Variants in DRD3 observed in about 807,000 individuals in gnomAD.
DRD3 encodes dopamine receptor D3.
In DRD3, 19 loss-of-function variants were observed where a neutral mutation model predicts 36.3. The observed-to-expected ratio is 0.52, with a 90% confidence interval of 0.36 to 0.77. The LOEUF (loss-of-function observed/expected upper bound fraction) is 0.77, where lower values mean the gene tolerates loss of function less well. DRD3 is among the 30% of genes least tolerant of loss of function. The pLI, the probability that DRD3 is intolerant of heterozygous loss-of-function variation, is 0.00. For missense variants in DRD3, 465 were observed against 505.3 expected, an observed-to-expected ratio of 0.92 and a Z score of 0.77; for synonymous variants, 195 against 203.7, an observed-to-expected ratio of 0.96 and a Z score of 0.36.
chr3:114,168,347 G>A (rs2077806168), intron 2 of DRD3, among the ~76,000 whole-genome samples: 1 of 152,110 alleles, frequency 6.6e-6, no homozygotes, highest in Non-Finnish European at 1.5e-5. Context: ...TCATCCCAGT[G>A]AATTCCAATA....
At chr3:114,162,846 A>G (rs1344230342) in intron 2 of DRD3, among the ~76,000 whole-genome samples, 1 of 152,138 alleles carries the variant, frequency 6.6e-6, no homozygotes, top group East Asian at 1.9e-4. Flanking sequence ...TTCCTCAGGG[A>G]TTTTTGTGTG....
rs769543243 is a variant in DRD3 at position 114,147,446 on chromosome 3, G to A, written c.495C>T (p.Ser165=). Residue 165 remains serine, a synonymous_variant, in exon 4 of 7, where the codon TCC becomes TCT. Transcript: ENST00000383673. ...TAVWVLAFAV[S]CPLLFGFNTT... ...TATTAAAGCCAAACAGAAGAGGGCAGGACACAGCAAAGGCCAGTACCCAGA... is the reference window on the plus strand; with the variant it reads ...TATTAAAGCCAAACAGAAGAGGGCAAGACACAGCAAAGGCCAGTACCCAGA... 1.2e-6 allele frequency: 2 copies of A among 1,613,880 alleles called. No individual in the cohort carries two copies. Among genetic ancestry groups the A allele is most frequent in the East Asian group, 4.5e-5 (2 of 44,838 alleles).
intron 4 of DRD3, among the ~76,000 whole-genome samples, chr3:114,144,851 A>T (rs1410334677): frequency 5.3e-5 from 8 of 152,092 alleles, no homozygotes; most frequent in Non-Finnish European, 1.0e-4. Flanking sequence ...CGCACATACT[A>T]AGTCACAGGC....
chr3:114,175,842 G>A (rs1460464779), intron 1 of DRD3: 2 of 152,144 alleles, frequency 1.3e-5, no homozygotes, highest in African/African-American at 2.4e-5. Context: ...GTGGATAGGA[G>A]GTAAAAGAAT....
intron 1 of DRD3, chr3:114,175,811 A>C (rs543616528): frequency 2.0e-5 from 3 of 152,226 alleles, no homozygotes; most frequent in African/African-American, 7.2e-5. Context: ...AAAGTCCAGC[A>C]AACAGTGTTA....
intron 2 of DRD3, among the ~76,000 whole-genome samples, chr3:114,163,068 T>C (rs2077748799): frequency 6.6e-6 from 1 of 152,226 alleles, no homozygotes; most frequent in Non-Finnish European, 1.5e-5. Context: ...CAATGGCCTG[T>C]CATCCCATTC....
intron 3 of DRD3, among the ~76,000 whole-genome samples, chr3:114,156,318 G>T (rs1400743604): frequency 1.3e-5 from 2 of 152,150 alleles, no homozygotes; most frequent in Non-Finnish European, 2.9e-5. Flanking sequence ...TATGCCAGAT[G>T]TTAAAAACCA....
chr3:114,198,297 A>G (rs569541650), intron 1 of DRD3, among the ~76,000 whole-genome samples: 1 of 151,260 alleles, frequency 6.6e-6, no homozygotes, highest in South Asian at 2.1e-4. Flanking sequence ...TGGTGCAATC[A>G]TGGGGCACTG....
At chr3:114,172,702 C>G (rs1800828) in intron 1 of DRD3, among the ~76,000 whole-genome samples, 32,651 of 152,144 alleles carry the variant, frequency 0.21, 3,804 homozygotes, top group Admixed American at 0.3. Context: ...CTTTACCTCT[C>G]TGAGCTCCAG....
intron 2 of DRD3, among the ~76,000 whole-genome samples, chr3:114,166,219 C>T (rs1324365035): frequency 6.6e-6 from 1 of 152,114 alleles, no homozygotes; most frequent in Admixed American, 6.5e-5. Flanking sequence ...CTCCTGACCT[C>T]AGGTGGTCCA....
intron 1 of DRD3, among the ~76,000 whole-genome samples, chr3:114,177,852 T>C (rs565517823): frequency 4.5e-4 from 68 of 152,322 alleles, no homozygotes; most frequent in African/African-American, 1.6e-3. Context: ...TCTTCACTCT[T>C]ATCTAAGGAC....
At chr3:114,162,001 A>T (rs1308353533) in intron 2 of DRD3, among the ~76,000 whole-genome samples, 2 of 152,220 alleles carry the variant, frequency 1.3e-5, no homozygotes, top group Non-Finnish European at 2.9e-5. Context: ...AGCAAACTTC[A>T]GTGTTTGCTG....
chr3:114,160,974 A>G (rs1052473272), intron 2 of DRD3, among the ~76,000 whole-genome samples: 2 of 152,226 alleles, frequency 1.3e-5, no homozygotes, highest in Non-Finnish European at 2.9e-5. Flanking sequence ...ATACTCTAGT[A>G]TATTTCTATT....
At chr3:114,157,758 A>G (rs563771438) in intron 3 of DRD3, among the ~76,000 whole-genome samples, 2 of 152,306 alleles carry the variant, frequency 1.3e-5, no homozygotes, top group East Asian at 3.9e-4. Context: ...GAAGAAAGCT[A>G]AAGAACATGT....
intron 1 of DRD3, among the ~76,000 whole-genome samples, chr3:114,196,353 CA>C (rs1560008099): frequency 6.6e-6 from 1 of 152,080 alleles, no homozygotes; most frequent in African/African-American, 2.4e-5. Context: ...CTCACTCTGT[CA>C]CCCAGGCTGG....
chr3:114,174,053 A>T (rs537485429), intron 1 of DRD3, among the ~76,000 whole-genome samples: 8 of 152,308 alleles, frequency 5.3e-5, no homozygotes, highest in South Asian at 2.1e-4. Context: ...AGAATTGTTT[A>T]AAAAAATTGT....
At chr3:114,172,833 G>A (rs966907350) in intron 1 of DRD3, among the ~76,000 whole-genome samples, 1 of 152,120 alleles carries the variant, frequency 6.6e-6, no homozygotes, top group Non-Finnish European at 1.5e-5. Flanking sequence ...TTGTCTCACA[G>A]TTCTGAAGGC....
In DRD3 at chr3:114,141,314, G is replaced by A. The variant is rs138019561; in HGVS notation, c.527-1618C>T. On this transcript the variant is annotated intron_variant, in intron 4 of 6. Transcript: ENST00000383673. The stretch of plus-strand genomic sequence containing the variant: ...CTCCCAAAGTGCTGGGATTACAGGC[G>A]TGAACCACTGCACCCAGCTGACACA... 8.3e-4 allele frequency among the ~76,000 whole-genome samples: 126 copies of A among 152,296 alleles called. 1 individual carries two copies. Among genetic ancestry groups the A allele is most frequent in the African/African-American group, 2.9e-3 (122 of 41,560 alleles).
At chr3:114,144,123 C>T (rs940713034) in intron 4 of DRD3, among the ~76,000 whole-genome samples, 2 of 152,174 alleles carry the variant, frequency 1.3e-5, no homozygotes, top group Non-Finnish European at 2.9e-5. Context: ...GCCCCTGCCT[C>T]GGAACTCTCT....
Sources: gnomAD v4.1 joint callset for allele counts (sites outside exome capture counted in the v4.1 genomes callset) on GRCh38, gnomAD v4.1.1 for gene constraint, MANE v1.5 for transcripts, NCBI Gene and HGNC (gene_info 2026-07-23, HGNC 2026-07-21) for gene names.